PCDHGB3: variants seen among roughly 807,000 people sequenced by gnomAD.
PCDHGB3 encodes protocadherin gamma subfamily B, 3, also known as protocadherin gamma-B3.
In PCDHGB3, 40 loss-of-function variants were observed where a neutral mutation model predicts 59.2. The ratio of observed to expected loss-of-function variants is 0.68; its 90% CI spans 0.52 to 0.88. PCDHGB3 has a LOEUF of 0.88. Ranked by LOEUF, PCDHGB3 falls within the 40% of genes least tolerant of loss-of-function variation. The pLI, the probability that PCDHGB3 is intolerant of heterozygous loss-of-function variation, is 0.00. For synonymous variants in PCDHGB3, 581 were observed against 503.6 expected (o/e 1.15, Z -2.06); for missense variants, 1,309 against 1,187.9 (o/e 1.10, Z -1.50).
intron 1 of PCDHGB3, chr5:141,408,623 G>T: frequency 6.2e-7 from 1 of 1,614,004 alleles, no homozygotes; most frequent in Non-Finnish European, 8.5e-7. Context: ...AATACATTTA[G>T]AAATTTTCGA....
chr5:141,457,701 G>A (rs1341216514), intron 1 of PCDHGB3, among the ~76,000 whole-genome samples: 1 of 152,222 alleles, frequency 6.6e-6, no homozygotes, highest in Admixed American at 6.5e-5. Context: ...TGGCTTTGAT[G>A]AAACACTGTT....
intron 1 of PCDHGB3, 177 bp from the exon 2 acceptor site, chr5:141,494,630 C>T (rs991482599): frequency 5.8e-6 from 5 of 866,562 alleles, no homozygotes; most frequent in Non-Finnish European, 6.9e-6. Flanking sequence ...GTACCTCAGA[C>T]CTCTGAGACC....
At chr5:141,498,796 G>C (rs1160540093) in intron 2 of PCDHGB3, among the ~76,000 whole-genome samples, 1 of 152,032 alleles carries the variant, frequency 6.6e-6, no homozygotes, top group African/African-American at 2.4e-5. Context: ...AGCCAGGTGT[G>C]GTGGTGCACA....
Position 141,489,140 on chromosome 5 carries a change from G to A in PCDHGB3, c.2416-5667G>A. ...CCTCCGAGCAGTTTTTAAGAGGCTG[G>A]AAGGAGACATAAGAGACTTCAGCTG... is the stretch of plus-strand genomic sequence containing the variant. On this transcript the variant is annotated intron_variant, in intron 1 of 3. Transcript: ENST00000576222. The surrounding 1 kb of genome is among the most constrained non-coding windows in gnomAD (Gnocchi z 4.5). The A allele has an allele frequency of 1.2e-6, 1 of 841,390 alleles. No individual in the cohort carries two copies. Among genetic ancestry groups the A allele is most frequent in the South Asian group, 2.1e-5 (1 of 47,082 alleles). The allele number at this position is 841,390 out of a possible 1,614,324, so 52.1% of individuals were successfully genotyped here.
chr5:141,398,576 C>T (rs1257000620), intron 1 of PCDHGB3: 4 of 1,613,968 alleles, frequency 2.5e-6, no homozygotes, highest in Non-Finnish European at 1.7e-6. Flanking sequence ...CAGCCTGGCA[C>T]AAGATTTATA....
chr5:141,496,747 A>T (rs13188028), intron 2 of PCDHGB3, among the ~76,000 whole-genome samples: 1 of 152,124 alleles, frequency 6.6e-6, no homozygotes, highest in Non-Finnish European at 1.5e-5. Context: ...CATTTATTCA[A>T]CAAATATTTA....
At chr5:141,498,991 AG>A (rs1449718352) in intron 2 of PCDHGB3, among the ~76,000 whole-genome samples, 8 of 144,362 alleles carry the variant, frequency 5.5e-5, no homozygotes, top group Non-Finnish European at 1.0e-4. Context: ...GAAGGAAGGA[AG>A]GAAGGAAGGA....
At chr5:141,414,748 G>T (rs765780935) in intron 1 of PCDHGB3, 1 of 1,614,182 alleles carries the variant, frequency 6.2e-7, no homozygotes, top group South Asian at 1.1e-5. Context: ...CAGATCCTTC[G>T]ACTATGAGCA....
intron 3 of PCDHGB3, among the ~76,000 whole-genome samples, chr5:141,510,034 T>A (rs2099879281): frequency 6.6e-6 from 1 of 152,156 alleles, no homozygotes; most frequent in Non-Finnish European, 1.5e-5. Flanking sequence ...TGGGCTGTTA[T>A]GTAGAGGTTA....
At chr5:141,423,227 A>C (rs1305722929) in intron 1 of PCDHGB3, 5 of 1,613,634 alleles carry the variant, frequency 3.1e-6, no homozygotes, top group Non-Finnish European at 2.5e-6. Context: ...GCTGTGGCCG[A>C]CAGCATCCCC....
intron 1 of PCDHGB3, chr5:141,389,407 A>C: frequency 6.2e-7 from 1 of 1,613,616 alleles, no homozygotes; most frequent in Non-Finnish European, 8.5e-7. Flanking sequence ...ATAAGCGCGG[A>C]GAGCGGGGTG....
At position 141,385,580 on chromosome 5, in the gene PCDHGB3, A is replaced by G. The variant is rs2090291043; in HGVS notation, c.2415+12771A>G. On this transcript the variant is annotated intron_variant, in intron 1 of 3. Transcript: ENST00000576222. Reference sequence around the variant, plus strand: ...ATAATTTCCACCTACTTTCCAATCTATGTTCCAACCTACTTTCTTAACTCA... The same window carrying G: ...ATAATTTCCACCTACTTTCCAATCTGTGTTCCAACCTACTTTCTTAACTCA... The G allele has an allele frequency of 4.7e-6, 6 of 1,280,456 alleles. No individual in the cohort carries two copies. The South Asian group carries it at 1.2e-4, about 25-fold the overall frequency. The allele number at this position is 1,280,456 out of a possible 1,614,324, so 79.3% of individuals were successfully genotyped here.
chr5:141,389,524 G>T, intron 1 of PCDHGB3: 1 of 1,613,146 alleles, frequency 6.2e-7, no homozygotes, highest in Non-Finnish European at 8.5e-7. Context: ...GTGAGCCTGC[G>T]CGTGTTAGTG....
At chr5:141,388,083 C>G in intron 1 of PCDHGB3, 9 of 1,358,266 alleles carry the variant, frequency 6.6e-6, no homozygotes, top group Non-Finnish European at 9.1e-6. Context: ...TCGAAAACTG[C>G]GCGTCAGTTC....
intron 1 of PCDHGB3, among the ~76,000 whole-genome samples, chr5:141,467,743 C>T (rs1166073224): frequency 8.5e-5 from 13 of 152,052 alleles, no homozygotes; most frequent in Non-Finnish European, 1.8e-4. Flanking sequence ...CTCGCTGCAA[C>T]CTCCGCCTCA....
intron 1 of PCDHGB3, among the ~76,000 whole-genome samples, chr5:141,433,853 A>C (rs934981508): frequency 1.3e-5 from 2 of 151,912 alleles, no homozygotes; most frequent in African/African-American, 2.4e-5. Context: ...AAAAAAAAAA[A>C]AACTTTATCC....
Position 141,382,839 on chromosome 5 carries a change from T to C in PCDHGB3, c.2415+10030T>C, listed in dbSNP as rs11575957. On this transcript the variant is annotated intron_variant, in intron 1 of 3. Coordinates refer to ENST00000576222, the MANE Select transcript of PCDHGB3 (RefSeq NM_018924.5). ...CCTAAGACAGAGGGGTCCACCCGGATACACCCGCATTCTGAAGCACTTCCC... is the reference window on the plus strand; with the variant it reads ...CCTAAGACAGAGGGGTCCACCCGGACACACCCGCATTCTGAAGCACTTCCC... The C allele has an allele frequency of 5.0e-3, 7,225 of 1,450,218 alleles. 38 individuals are homozygous for C. Among genetic ancestry groups the C allele is most frequent in the Admixed American group, 9.6e-3 (425 of 44,246 alleles). 89.8% of individuals were successfully genotyped at this position (1,450,218 alleles called of 1,614,324 possible).
At chr5:141,463,610 G>A (rs189991450) in intron 1 of PCDHGB3, among the ~76,000 whole-genome samples, 2 of 151,672 alleles carry the variant, frequency 1.3e-5, no homozygotes, top group Admixed American at 6.6e-5. Flanking sequence ...CACCATGCCC[G>A]GCTAATTTTT....
chr5:141,421,433 C>T, intron 1 of PCDHGB3: 1 of 1,614,074 alleles, frequency 6.2e-7, no homozygotes, highest in African/African-American at 1.3e-5. Flanking sequence ...CGCATCGTCT[C>T]CAGAGGGAAG....
Sources: allele counts gnomAD v4.1 joint callset (sites outside exome capture counted in the v4.1 genomes callset), GRCh38; gene constraint gnomAD v4.1.1; non-coding constraint Gnocchi (gnomAD v3.1); transcripts MANE v1.5; gene names NCBI Gene and HGNC (gene_info 2026-07-23, HGNC 2026-07-21).